Variants in IMMP2L observed in about 807,000 individuals in gnomAD.
IMMP2L encodes the protein mitochondrial inner membrane protease subunit 2.
A neutral mutation model predicts 19.3 loss-of-function variants in IMMP2L; 18 were observed. The observed-to-expected ratio is 0.93, with a 90% confidence interval of 0.64 to 1.38. IMMP2L has a LOEUF of 1.38. Ranked by LOEUF, IMMP2L falls within the 40% of genes most tolerant of loss-of-function variation. The probability of loss-of-function intolerance (pLI) is 0.00; values close to 1 mark genes in which losing one functional copy is unlikely to be tolerated. For missense variants in IMMP2L, 233 were observed against 218.2 expected (o/e 1.07, Z -0.43); for synonymous variants, 76 against 73.0 (o/e 1.04, Z -0.21).
At chr7:111,384,450 G>C (rs1477113928) in intron 3 of IMMP2L, among the ~76,000 whole-genome samples, 1 of 152,014 alleles carries the variant, frequency 6.6e-6, no homozygotes, top group African/African-American at 2.4e-5. Flanking sequence ...TGTCAAGGTT[G>C]GTCCCCACTC....
At chr7:110,895,281 A>G (rs1037600329) in intron 4 of IMMP2L, among the ~76,000 whole-genome samples, 3 of 152,166 alleles carry the variant, frequency 2.0e-5, no homozygotes, top group Non-Finnish European at 4.4e-5. Flanking sequence ...CTCCCATGAC[A>G]TGTGGGAATT....
At chr7:111,053,044 A>T (rs1793143372) in intron 3 of IMMP2L, among the ~76,000 whole-genome samples, 1 of 152,200 alleles carries the variant, frequency 6.6e-6, no homozygotes, top group Non-Finnish European at 1.5e-5. Context: ...GCCTTCTCAG[A>T]AGAATGAATT....
intron 3 of IMMP2L, among the ~76,000 whole-genome samples, chr7:111,216,665 T>TACCC (rs777783474): frequency 2.0e-5 from 3 of 151,956 alleles, no homozygotes; most frequent in Non-Finnish European, 4.4e-5. Flanking sequence ...CTGAATTTTG[T>TACCC]ACCCTTAAAG....
chr7:111,533,961 A>G (rs1014933068), intron 1 of IMMP2L, among the ~76,000 whole-genome samples: 1 of 152,074 alleles, frequency 6.6e-6, no homozygotes, highest in African/African-American at 2.4e-5. Flanking sequence ...CTTATAAAGT[A>G]TAAGAAAAAA....
intron 3 of IMMP2L, among the ~76,000 whole-genome samples, chr7:111,049,887 C>T (rs1309829673): frequency 2.6e-5 from 4 of 152,166 alleles, no homozygotes; most frequent in Non-Finnish European, 5.9e-5. Flanking sequence ...CCACCGCCCC[C>T]ATAGGGAAGT....
chr7:111,024,171 C>A (rs1200223479), intron 3 of IMMP2L, among the ~76,000 whole-genome samples: 8 of 152,146 alleles, frequency 5.3e-5, no homozygotes, highest in Non-Finnish European at 2.9e-5. Context: ...TTTAGCAATG[C>A]ATCTTTTACC....
rs140941678 is a variant in IMMP2L at position 111,285,566 on chromosome 7, T to C, written c.239+201672A>G. Among the ~76,000 whole-genome samples the C allele has an allele frequency of 2.6e-5, 4 of 152,246 alleles. No individual in the cohort carries two copies. In the East Asian group the frequency reaches 7.7e-4, roughly 29 times the overall value. ...AAGCAATTCAGAATCATACAAGAAT[T>C]ACATAAATGCTCATGCAATTCAATT... On this transcript the variant is annotated intron_variant, in intron 3 of 5. Transcript: ENST00000405709.
intron 2 of IMMP2L, 117 bp from the exon 3 acceptor site, chr7:111,487,458 A>T (rs1401904555): frequency 3.5e-6 from 2 of 573,616 alleles, no homozygotes; most frequent in African/African-American, 3.7e-5. Context: ...GTACCTTTCT[A>T]TAAATTGCTG....
At chr7:110,783,572 G>A (rs1799882543) in intron 5 of IMMP2L, among the ~76,000 whole-genome samples, 1 of 151,554 alleles carries the variant, frequency 6.6e-6, no homozygotes, top group Non-Finnish European at 1.5e-5. Flanking sequence ...AATTACTCCT[G>A]GTATATATAG....
In IMMP2L at chr7:111,428,043, T is replaced by A. The variant is rs1836258233; in HGVS notation, c.239+59195A>T. Among the ~76,000 whole-genome samples the A allele has an allele frequency of 1.3e-5, 2 of 151,866 alleles. 1 individual carries two copies. Among genetic ancestry groups the A allele is most frequent in the Admixed American group, 1.3e-4 (2 of 15,256 alleles). ...ACGCTCCTGGTACAAGTGTAGTCTG[T>A]GTAGCAACACACTCATGCTGTACAC... On this transcript the variant is annotated intron_variant, in intron 3 of 5. Transcript: ENST00000405709.
In IMMP2L at chr7:111,539,212, AAGAAAGAAAGAAAG is replaced by A. The variant is rs1848259529; in HGVS notation, c.-2-17777_-2-17764del. The stretch of plus-strand genomic sequence containing the variant: ...GGAAGGAGGGAGAAAGAAAGAAAGA[AAGAAAGAAAGAAAG>A]AAAGAAAGAAAGAAAGAAAGAAAGA... On this transcript the variant is annotated intron_variant, in intron 1 of 5. Coordinates refer to ENST00000405709, the MANE Select transcript of IMMP2L (RefSeq NM_032549.4). Among the ~76,000 whole-genome samples, 3 of 74,472 alleles carry A rather than the reference AAGAAAGAAAGAAAG, an allele frequency of 4.0e-5. No individual in the cohort carries two copies. The East Asian group carries it at 1.2e-3, about 29-fold the overall frequency. The allele number at this position is 74,472 out of a possible 152,430, so 48.9% of individuals were successfully genotyped here.
intron 5 of IMMP2L, among the ~76,000 whole-genome samples, chr7:110,799,148 G>A (rs556838951): frequency 3.3e-5 from 5 of 152,078 alleles, no homozygotes; most frequent in African/African-American, 9.6e-5. Context: ...CTATTAGCCC[G>A]AGCTGGGTAG....
chr7:111,562,446 G>C lies in IMMP2L; in HGVS notation c.-598C>G, dbSNP rs571746060. The C allele has an allele frequency of 2.0e-5, 3 of 151,314 alleles. No individual in the cohort carries two copies. The highest frequency in any genetic ancestry group is 4.4e-5 in the Non-Finnish European group (3 of 67,922). 9.4% of individuals were successfully genotyped at this position (151,314 alleles called of 1,614,324 possible). A position where few individuals can be genotyped will look rare whatever the true frequency, so the allele number is the denominator to read the frequency against. ...GCCCCCCACCCGCCGCCGGACGCCG[G>C]GCGCCCGCCCTCCGCACCCGCTGCG... is the stretch of plus-strand genomic sequence containing the variant. On this transcript the variant is annotated 5_prime_UTR_variant, in exon 1 of 6. Transcript: ENST00000405709.
intron 5 of IMMP2L, among the ~76,000 whole-genome samples, chr7:110,868,636 T>G (rs548903117): frequency 6.6e-6 from 1 of 152,226 alleles, no homozygotes; most frequent in African/African-American, 2.4e-5. Context: ...TTAGAAAATC[T>G]CTAACAGTGA....
At chr7:111,197,329 G>A (rs1168757396) in intron 3 of IMMP2L, among the ~76,000 whole-genome samples, 1 of 152,078 alleles carries the variant, frequency 6.6e-6, no homozygotes, top group African/African-American at 2.4e-5. Flanking sequence ...CGGGCGTGGT[G>A]GCGGGCGCCT....
At chr7:110,684,725 T>G (rs1478576904) in intron 5 of IMMP2L, among the ~76,000 whole-genome samples, 2 of 152,024 alleles carry the variant, frequency 1.3e-5, no homozygotes, top group Non-Finnish European at 2.9e-5. Flanking sequence ...TTTCACTTTA[T>G]TTGGCACTGC....
chr7:111,138,319 G>A (rs1802541578), intron 3 of IMMP2L, among the ~76,000 whole-genome samples: 1 of 152,122 alleles, frequency 6.6e-6, no homozygotes, highest in Non-Finnish European at 1.5e-5. Context: ...TTCAGCACTA[G>A]CAAAACTAGG....
chr7:111,295,739 T>C (rs1821561607), intron 3 of IMMP2L, among the ~76,000 whole-genome samples: 1 of 151,818 alleles, frequency 6.6e-6, no homozygotes, highest in Non-Finnish European at 1.5e-5. Context: ...TAAAACCACC[T>C]AGAGATACTT....
intron 3 of IMMP2L, among the ~76,000 whole-genome samples, chr7:111,221,133 A>T (rs189215137): frequency 5.3e-5 from 8 of 152,180 alleles, no homozygotes; most frequent in African/African-American, 1.7e-4. Flanking sequence ...CAAGGAGTAA[A>T]GGAAGCATCT....
Sources: allele counts gnomAD v4.1 joint callset (sites outside exome capture counted in the v4.1 genomes callset), GRCh38; gene constraint gnomAD v4.1.1; transcripts MANE v1.5; gene names NCBI Gene and HGNC (gene_info 2026-07-23, HGNC 2026-07-21).